SP140: variants seen among roughly 807,000 people sequenced by gnomAD.
SP140 encodes nuclear body protein SP140.
SP140 carries 81 observed loss-of-function variants against 125.0 expected under a neutral mutation model. That is an observed-to-expected ratio of 0.65 (90% CI 0.54 to 0.78). The LOEUF (loss-of-function observed/expected upper bound fraction) is 0.78. Ranked by LOEUF, SP140 falls within the 30% of genes least tolerant of loss-of-function variation. The probability of loss-of-function intolerance (pLI) is 0.00; values close to 1 mark genes in which losing one functional copy is unlikely to be tolerated. For missense variants in SP140, 858 were observed against 1,037.0 expected (o/e 0.83, Z 2.37); for synonymous variants, 312 against 354.0 (o/e 0.88, Z 1.33).
chr2:230,192,804 T>C, the SP140 span, among the ~76,000 whole-genome samples: 1 of 152,186 alleles, frequency 6.6e-6, no homozygotes, highest in African/African-American at 2.4e-5. Flanking sequence ...ATGGTCTATC[T>C]TGGAGAATGT....
In SP140 at chr2:230,308,070, G is replaced by C. The variant is rs147709666; in HGVS notation, c.2059-1854G>C. On this transcript the variant is annotated intron_variant, in intron 22 of 26. Transcript: ENST00000392045. ...ATACTACTCAGGTATAAAAAGGAAT[G>C]AAATAATGACATTCACAGCAACCTG... Among the ~76,000 whole-genome samples the C allele has an allele frequency of 3.0e-3, 435 of 146,474 alleles. 2 individuals are homozygous for C. Among genetic ancestry groups the C allele is most frequent in the African/African-American group, 0.01 (414 of 39,900 alleles).
intron 22 of SP140, among the ~76,000 whole-genome samples, chr2:230,306,274 G>T (rs942035370): frequency 6.6e-6 from 1 of 152,220 alleles, no homozygotes; most frequent in Non-Finnish European, 1.5e-5. Context: ...CTGGCCAAAG[G>T]TGCAGCCGAG....
At chr2:230,240,140 A>G (rs2048523416) in intron 3 of SP140, among the ~76,000 whole-genome samples, 1 of 152,234 alleles carries the variant, frequency 6.6e-6, no homozygotes, top group South Asian at 2.1e-4. Flanking sequence ...TACTTATACT[A>G]CACAACATCC....
At chr2:230,212,498 A>C in intron 1 of SP140, 1 of 1,300,612 alleles carries the variant, frequency 7.7e-7, no homozygotes, top group South Asian at 1.2e-5. Flanking sequence ...TGAATGTTAA[A>C]AGTGCCTGGG....
chr2:230,222,847 T>G (rs529792980), upstream of SP140, among the ~76,000 whole-genome samples: 4 of 151,562 alleles, frequency 2.6e-5, no homozygotes, highest in East Asian at 3.9e-4. Flanking sequence ...AAAGTTTTTT[T>G]TTTTTTTTTT....
rs201793709 is a variant in SP140 at position 230,212,322 on chromosome 2, C to T, written c.-322-1332C>T. The T allele has an allele frequency of 2.7e-5, 42 of 1,545,232 alleles. No individual in the cohort carries two copies. The African/African-American group carries it at 4.3e-4, about 16-fold the overall frequency. ...CCCTTCACAGTCACCTTGAGCTAAG[C>T]GGTATCAGCCCCAGTCAGTGTTACC... On this transcript the variant is annotated intron_variant, in intron 1 of 4. Transcript: ENST00000456542.
Position 230,241,544 on chromosome 2 carries a change from T to C in SP140, c.490+57T>C, listed in dbSNP as rs928836301. 7.0e-6 allele frequency: 7 copies of C among 1,001,694 alleles called. No homozygotes were observed. In the Admixed American group the frequency reaches 1.0e-4, roughly 15 times the overall value. 62.1% of individuals were successfully genotyped at this position (1,001,694 alleles called of 1,614,324 possible). A position where few individuals can be genotyped will look rare whatever the true frequency, so the allele number is the denominator to read the frequency against. On this transcript the variant is annotated intron_variant, in intron 4 of 26. Coordinates refer to ENST00000392045, the MANE Select transcript of SP140 (RefSeq NM_007237.5). ...TTAAAGTTTTGCTTCCTTGCCTTCA[T>C]GGAGGCAAATCTTGTATTTCCTCTC...
chr2:230,287,193 A>C (rs1327933859), intron 17 of SP140, among the ~76,000 whole-genome samples: 1 of 152,134 alleles, frequency 6.6e-6, no homozygotes, highest in Non-Finnish European at 1.5e-5. Flanking sequence ...CCCATTCCTC[A>C]TGGTTAACCT....
chr2:230,227,433 T>C (rs894880468), intron 1 of SP140, among the ~76,000 whole-genome samples: 32 of 152,354 alleles, frequency 2.1e-4, no homozygotes, highest in African/African-American at 7.2e-4. Flanking sequence ...AATGGGCTAA[T>C]GCTAACCTCA....
At chr2:230,283,381 TTAGA>T (rs2055892547) in intron 15 of SP140, among the ~76,000 whole-genome samples, 1 of 152,128 alleles carries the variant, frequency 6.6e-6, no homozygotes, top group African/African-American at 2.4e-5. Context: ...ATCTACAAAA[TTAGA>T]TAGAAGTAGA....
At chr2:230,247,123 T>C (rs530097257) in intron 7 of SP140, among the ~76,000 whole-genome samples, 2 of 152,286 alleles carry the variant, frequency 1.3e-5, no homozygotes, top group Admixed American at 6.5e-5. Flanking sequence ...TTCATGTCTC[T>C]CCCATCTATA....
chr2:230,243,033 T>C (rs2149151793), intron 4 of SP140, among the ~76,000 whole-genome samples: 1 of 152,322 alleles, frequency 6.6e-6, no homozygotes, highest in South Asian at 2.1e-4. Flanking sequence ...GGTTTTTAAG[T>C]AGCATCCAAA....
chr2:230,253,525 G>A (rs1019151396), intron 11 of SP140, 108 bp downstream of exon 11: 20 of 782,274 alleles, frequency 2.6e-5, no homozygotes, highest in East Asian at 5.2e-5. Context: ...CTTCACATTC[G>A]CATACATACA....
intron 15 of SP140, among the ~76,000 whole-genome samples, chr2:230,279,335 C>G (rs770981849): frequency 5.3e-5 from 8 of 151,740 alleles, no homozygotes; most frequent in Non-Finnish European, 7.4e-5. Flanking sequence ...TGTATTGAAT[C>G]ATAAAAGACT....
chr2:230,288,505 CTTTCTTTCTTTCTTTCTTTT>C lies in SP140; in HGVS notation c.1720+543_1720+562del, dbSNP rs1245869651. ...TCTTTCTTTCTTTCTTTCTTTCTTT[CTTTCTTTCTTTCTTTCTTTT>C]TTTATTCTTTAAGTTCTGAGATACA... On this transcript the variant is annotated intron_variant, in intron 18 of 26. Transcript: ENST00000392045. Among the ~76,000 whole-genome samples, 8 of 119,192 alleles carry C rather than the reference CTTTCTTTCTTTCTTTCTTTT, an allele frequency of 6.7e-5. No homozygotes were observed. The East Asian group carries it at 1.7e-3, about 26-fold the overall frequency. 78.2% of individuals were successfully genotyped at this position (119,192 alleles called of 152,430 possible). A position where few individuals can be genotyped will look rare whatever the true frequency, so the allele number is the denominator to read the frequency against.
intron 11 of SP140, among the ~76,000 whole-genome samples, chr2:230,253,640 G>A (rs548839105): frequency 6.6e-6 from 1 of 152,152 alleles, no homozygotes; most frequent in African/African-American, 2.4e-5. Flanking sequence ...CCTGCATGGA[G>A]CATGTAGGGA....
chr2:230,268,551 G>A (rs542070155), intron 12 of SP140, among the ~76,000 whole-genome samples: 5 of 151,308 alleles, frequency 3.3e-5, no homozygotes, highest in Non-Finnish European at 7.4e-5. Context: ...ACAAAAGAAA[G>A]GTAACAGTAG....
chr2:230,192,149 C>G, the SP140 span, among the ~76,000 whole-genome samples: 1 of 152,080 alleles, frequency 6.6e-6, no homozygotes, highest in Non-Finnish European at 1.5e-5. Context: ...ATAATAAGAG[C>G]TATTTATGAC....
intron 3 of SP140, chr2:230,215,023 C>G: frequency 2.5e-6 from 4 of 1,613,520 alleles, no homozygotes; most frequent in Non-Finnish European, 3.4e-6. Context: ...ACAATGTCAC[C>G]AGAAGAGACA....
Sources: allele counts gnomAD v4.1 joint callset (sites outside exome capture counted in the v4.1 genomes callset), GRCh38; gene constraint gnomAD v4.1.1; transcripts MANE v1.5; gene names NCBI Gene and HGNC (gene_info 2026-07-23, HGNC 2026-07-21).